SPIDR: variants seen among roughly 807,000 people sequenced by gnomAD.
SPIDR encodes DNA repair-scaffolding protein.
SPIDR carries 93 observed loss-of-function variants against 104.6 expected under a neutral mutation model. The ratio of observed to expected loss-of-function variants is 0.89; its 90% CI spans 0.75 to 1.06. SPIDR has a LOEUF of 1.06. Among genes scored for constraint, SPIDR ranks in the 50% least tolerant of loss-of-function variants. The probability of loss-of-function intolerance (pLI) is 0.00; values close to 1 mark genes in which losing one functional copy is unlikely to be tolerated. For synonymous variants in SPIDR, 431 were observed against 416.9 expected (o/e 1.03, Z -0.41); for missense variants, 1,154 against 1,111.2 (o/e 1.04, Z -0.55).
intron 5 of SPIDR, chr8:47,360,870 G>C (rs1260903566): frequency 1.8e-5 from 18 of 985,320 alleles, no homozygotes; most frequent in Non-Finnish European, 2.0e-5. Context: ...GGACGTGCTG[G>C]ACCACAGACA....
At chr8:47,401,840 C>T (rs2061941931) in intron 6 of SPIDR, among the ~76,000 whole-genome samples, 1 of 152,152 alleles carries the variant, frequency 6.6e-6, no homozygotes, top group Non-Finnish European at 1.5e-5. Flanking sequence ...AAAGCAAGTC[C>T]TTAGAGACCT....
chr8:47,325,538 T>G (rs1229599614), intron 5 of SPIDR, among the ~76,000 whole-genome samples: 4 of 152,190 alleles, frequency 2.6e-5, no homozygotes, highest in African/African-American at 9.7e-5. Context: ...AAAACATCAA[T>G]TGTAATGAAA....
At chr8:47,643,705 G>C (rs1234291710) in intron 10 of SPIDR, among the ~76,000 whole-genome samples, 1 of 152,156 alleles carries the variant, frequency 6.6e-6, no homozygotes, top group Non-Finnish European at 1.5e-5. Flanking sequence ...TCAATAATTA[G>C]TGGAATATTT....
intron 5 of SPIDR, among the ~76,000 whole-genome samples, chr8:47,304,788 T>G (rs1166525403): frequency 1.3e-5 from 2 of 152,200 alleles, no homozygotes; most frequent in Non-Finnish European, 2.9e-5. Context: ...GTGAGAATGG[T>G]ATACATTAAA....
chr8:47,489,217 CAG>C (rs1279820494), intron 8 of SPIDR, among the ~76,000 whole-genome samples: 51 of 152,182 alleles, frequency 3.4e-4, no homozygotes, highest in African/African-American at 1.1e-3. Context: ...AACAGACAAA[CAG>C]AGAGCCAAAT....
intron 8 of SPIDR, among the ~76,000 whole-genome samples, chr8:47,471,943 A>C (rs2075768494): frequency 1.3e-5 from 2 of 152,218 alleles, no homozygotes; most frequent in African/African-American, 4.8e-5. Flanking sequence ...GTGAGCTCAC[A>C]AGTTTCCAAA....
chr8:47,393,706 TCCTTTC>T (rs1454321534), intron 5 of SPIDR, among the ~76,000 whole-genome samples: 1 of 146,118 alleles, frequency 6.8e-6, no homozygotes, highest in African/African-American at 2.6e-5. Context: ...TCCTTTCCTT[TCCTTTC>T]CTTTCCTTTC....
intron 19 of SPIDR, among the ~76,000 whole-genome samples, 196 bp from the exon 20 acceptor site, chr8:47,735,111 G>GGTGTGTGTGTGTGTGTGT (rs202076247): frequency 2.2e-5 from 3 of 135,182 alleles, no homozygotes; most frequent in African/African-American, 8.9e-5. Flanking sequence ...TGTGTGTGTG[G>GGTGTGTGTGTGTGTGTGT]GTGTGTGTGT....
intron 1 of SPIDR, among the ~76,000 whole-genome samples, chr8:47,278,118 A>G (rs1325983405): frequency 2.2e-5 from 3 of 138,376 alleles, no homozygotes; most frequent in Non-Finnish European, 4.7e-5. Context: ...TTTTTTATTA[A>G]TAGCCATTCT....
In SPIDR at chr8:47,466,912, TATAGATAGATAGATAG is replaced by T. The variant is rs1240331641; in HGVS notation, c.1097+26394_1097+26409del. Among the ~76,000 whole-genome samples, 5 of 113,356 alleles carry T rather than the reference TATAGATAGATAGATAG, an allele frequency of 4.4e-5. No individual in the cohort carries two copies. In the East Asian group the frequency reaches 1.2e-3, roughly 28 times the overall value. The allele number at this position is 113,356 out of a possible 152,430, so 74.4% of individuals were successfully genotyped here. A position where few individuals can be genotyped will look rare whatever the true frequency, so the allele number is the denominator to read the frequency against. On this transcript the variant is annotated intron_variant, in intron 8 of 19. Transcript: ENST00000297423. ...GAAAAAAAAAAAAAATATATATATA[TATAGATAGATAGATAG>T]ATAGATAGATAGATAGATAGATATA... is the stretch of plus-strand genomic sequence containing the variant.
chr8:47,510,212 A>C (rs1371590919), intron 8 of SPIDR, among the ~76,000 whole-genome samples: 1 of 152,244 alleles, frequency 6.6e-6, no homozygotes, highest in Non-Finnish European at 1.5e-5. Flanking sequence ...ATTAATCAAA[A>C]AAAGTTAAAT....
chr8:47,297,772 A>G (rs1402034901), intron 5 of SPIDR, among the ~76,000 whole-genome samples: 8 of 152,110 alleles, frequency 5.3e-5, no homozygotes, highest in African/African-American at 1.9e-4. Context: ...CCATGTCCCT[A>G]CAAAGGACAT....
intron 1 of SPIDR, among the ~76,000 whole-genome samples, chr8:47,267,458 C>G (rs1261642503): frequency 3.3e-5 from 5 of 152,156 alleles, no homozygotes; most frequent in African/African-American, 1.2e-4. Context: ...GTGGTTGCAC[C>G]TTTTACAGTC....
intron 11 of SPIDR, among the ~76,000 whole-genome samples, chr8:47,680,552 A>G (rs2154475166): frequency 6.6e-6 from 1 of 152,340 alleles, no homozygotes; most frequent in South Asian, 2.1e-4. Context: ...AACAGGAAAT[A>G]TGTAGTGGTA....
intron 10 of SPIDR, among the ~76,000 whole-genome samples, chr8:47,671,169 C>T (rs2075741562): frequency 6.6e-6 from 1 of 152,170 alleles, no homozygotes; most frequent in African/African-American, 2.4e-5. Flanking sequence ...CTCAGCCTCC[C>T]AAAGTGCTGG....
intron 11 of SPIDR, 92 bp from the exon 12 acceptor site, chr8:47,700,311 A>C: frequency 3.1e-6 from 4 of 1,285,864 alleles, no homozygotes; most frequent in Non-Finnish European, 4.5e-6. Flanking sequence ...GGCCTTAGGC[A>C]TTAGAGTCTG....
intron 5 of SPIDR, among the ~76,000 whole-genome samples, chr8:47,308,834 A>G (rs1046133338): frequency 5.9e-5 from 9 of 152,248 alleles, no homozygotes; most frequent in Admixed American, 2.0e-4. Flanking sequence ...GCTCCTTGGA[A>G]TGCATGCACA....
At chr8:47,712,343 A>T (rs2082002298) in intron 14 of SPIDR, among the ~76,000 whole-genome samples, 1 of 152,188 alleles carries the variant, frequency 6.6e-6, no homozygotes, top group Admixed American at 6.5e-5. Context: ...CAATGTTGTA[A>T]TTAACATTCT....
intron 8 of SPIDR, among the ~76,000 whole-genome samples, chr8:47,551,895 T>C (rs4873387): frequency 0.97 from 147,193 of 152,316 alleles, 71,131 homozygotes; most frequent in East Asian, 1. Flanking sequence ...CCTGCTTTCT[T>C]TTATGGGCAT....
Sources: gnomAD v4.1 joint callset for allele counts (sites outside exome capture counted in the v4.1 genomes callset) on GRCh38, gnomAD v4.1.1 for gene constraint, MANE v1.5 for transcripts, NCBI Gene and HGNC (gene_info 2026-07-23, HGNC 2026-07-21) for gene names.